The following ADK variants were observed in gnomAD, a reference collection of about 807,000 sequenced individuals.
ADK encodes the protein adenosine kinase, also known as N6,N6-dimethyladenosine kinase.
In ADK, 24 loss-of-function variants were observed where a neutral mutation model predicts 44.7. The ratio of observed to expected loss-of-function variants is 0.54; its 90% CI spans 0.39 to 0.76. The LOEUF (loss-of-function observed/expected upper bound fraction) is 0.76. Ranked by LOEUF, ADK falls within the 30% of genes least tolerant of loss-of-function variation. The pLI, the probability that ADK is intolerant of heterozygous loss-of-function variation, is 0.00. For synonymous variants in ADK, 128 were observed against 142.6 expected (o/e 0.90, Z 0.73); for missense variants, 321 against 425.1 (o/e 0.76, Z 2.15).
intron 6 of ADK, among the ~76,000 whole-genome samples, chr10:74,509,872 A>G (rs1848236286): frequency 6.6e-6 from 1 of 152,182 alleles, no homozygotes; most frequent in South Asian, 2.1e-4. Context: ...ACTTAACATA[A>G]TGTCCTCCAG....
intron 4 of ADK, among the ~76,000 whole-genome samples, chr10:74,317,440 A>C (rs1188006851): frequency 6.6e-6 from 1 of 152,106 alleles, no homozygotes; most frequent in African/African-American, 2.4e-5. Context: ...AAAGAAATGG[A>C]AAAACGTTGG....
chr10:74,289,299 C>T (rs968671031), intron 3 of ADK, among the ~76,000 whole-genome samples: 5 of 152,038 alleles, frequency 3.3e-5, no homozygotes, highest in African/African-American at 1.2e-4. Flanking sequence ...GTGATCAGCC[C>T]GCCTCTGAAA....
At position 74,453,158 on chromosome 10, in the gene ADK, T is replaced by G. The variant is rs1845831589; in HGVS notation, c.555+54579T>G. ...AAAACAGTTAAGAATTTACTAAATT[T>G]AAAATGTATATATACCTGATGCCAT... On this transcript the variant is annotated intron_variant, in intron 6 of 10. Coordinates refer to ENST00000539909, the MANE Select transcript of ADK (RefSeq NM_006721.4). Among the ~76,000 whole-genome samples, 3 of 152,148 alleles carry G rather than the reference T, an allele frequency of 2.0e-5. No individual in the cohort carries two copies. The South Asian group carries it at 6.2e-4, about 32-fold the overall frequency.
chr10:74,579,540 G>A (rs903733968), intron 7 of ADK, among the ~76,000 whole-genome samples: 14 of 152,148 alleles, frequency 9.2e-5, no homozygotes, highest in Non-Finnish European at 2.1e-4. Context: ...ATCCCTGAGA[G>A]AAAATGAATG....
chr10:74,700,253 G>T (rs527615621), intron 10 of ADK, among the ~76,000 whole-genome samples: 1 of 152,202 alleles, frequency 6.6e-6, no homozygotes, highest in Admixed American at 6.5e-5. Flanking sequence ...GGAGATTTTG[G>T]TCTCTGACTA....
intron 1 of ADK, among the ~76,000 whole-genome samples, chr10:74,161,243 C>G (rs1258354092): frequency 1.3e-5 from 2 of 152,110 alleles, no homozygotes; most frequent in African/African-American, 4.8e-5. Flanking sequence ...GCTCTGCTGC[C>G]CAGACTGGAG....
At chr10:74,681,477 T>C (rs919198829) in intron 10 of ADK, among the ~76,000 whole-genome samples, 3 of 152,144 alleles carry the variant, frequency 2.0e-5, no homozygotes, top group Non-Finnish European at 2.9e-5. Context: ...GGGAGTTAAT[T>C]GCAAATACGA....
intron 4 of ADK, among the ~76,000 whole-genome samples, chr10:74,321,302 G>A (rs1340865510): frequency 1.4e-5 from 2 of 147,616 alleles, no homozygotes; most frequent in Non-Finnish European, 3.0e-5. Flanking sequence ...TTTTTAATTT[G>A]AGGCAGAGTC....
intron 3 of ADK, among the ~76,000 whole-genome samples, chr10:74,294,673 A>G (rs1839748671): frequency 6.6e-6 from 1 of 152,224 alleles, no homozygotes; most frequent in Non-Finnish European, 1.5e-5. Flanking sequence ...CTGTTTAGTT[A>G]TACTGGTAAA....
chr10:74,229,208 T>C (rs1046666264), intron 3 of ADK, among the ~76,000 whole-genome samples: 1 of 152,122 alleles, frequency 6.6e-6, no homozygotes, highest in East Asian at 1.9e-4. Context: ...ATAAATAAAT[T>C]ATGCAATAGG....
chr10:74,619,447 T>A (rs1419802430), intron 9 of ADK, among the ~76,000 whole-genome samples: 1 of 151,240 alleles, frequency 6.6e-6, no homozygotes, highest in Non-Finnish European at 1.5e-5. Context: ...AGAGCAAGTC[T>A]CTGTCTCAAA....
At position 74,303,585 on chromosome 10, in the gene ADK, GTTGTTTTTTTTT is replaced by G. The variant is rs1421455127; in HGVS notation, c.195-11079_195-11068del. 2.8e-3 allele frequency among the ~76,000 whole-genome samples: 179 copies of G among 64,650 alleles called. 12 individuals are homozygous for G. The highest frequency in any genetic ancestry group is 0.011 in the South Asian group (22 of 2,026). The allele number at this position is 64,650 out of a possible 152,430, so 42.4% of individuals were successfully genotyped here. ...AAACACTTTTCATATTGGTTTTAAT[GTTGTTTTTTTTT>G]TTTTTTTTTTTTTTTTTGCTAGAAA... is the stretch of plus-strand genomic sequence containing the variant. On this transcript the variant is annotated intron_variant, in intron 3 of 10. Coordinates refer to ENST00000539909, the MANE Select transcript of ADK (RefSeq NM_006721.4).
intron 6 of ADK, among the ~76,000 whole-genome samples, chr10:74,428,304 A>G (rs1170149933): frequency 6.6e-6 from 1 of 152,168 alleles, no homozygotes; most frequent in Admixed American, 6.5e-5. Context: ...CACTCAAATG[A>G]CTGGCTTCAG....
At chr10:74,673,430 G>A (rs1855256994) in intron 10 of ADK, among the ~76,000 whole-genome samples, 1 of 152,244 alleles carries the variant, frequency 6.6e-6, no homozygotes, top group African/African-American at 2.4e-5. Context: ...GGTGCCAGCA[G>A]GAGCGAACTT....
intron 6 of ADK, among the ~76,000 whole-genome samples, chr10:74,476,017 A>C (rs1846823619): frequency 6.6e-6 from 1 of 152,170 alleles, no homozygotes; most frequent in South Asian, 2.1e-4. Context: ...ATGTGTGTTT[A>C]TAATATATAT....
chr10:74,389,579 T>A (rs1022415736), intron 4 of ADK, among the ~76,000 whole-genome samples: 5 of 152,166 alleles, frequency 3.3e-5, no homozygotes, highest in African/African-American at 9.7e-5. Context: ...TGGCTTTTTT[T>A]TTTAATGGCT....
rs975441001 is a variant in ADK at position 74,600,444 on chromosome 10, G to A, written c.828G>A (p.Gln276=). ...TGCCAAAGATGAACTCAAAGAGGCA[G>A]CGAATCGTGATCTTCACCCAAGGGA... ...QALPKMNSKR[Q]RIVIFTQGRD... Residue 276 remains glutamine (Q), a synonymous_variant, in exon 9 of 11, where the codon CAG becomes CAA. Transcript: ENST00000539909. 4 of 1,611,450 alleles carry A rather than the reference G, an allele frequency of 2.5e-6. No homozygotes were observed. Among genetic ancestry groups the A allele is most frequent in the Non-Finnish European group, 3.4e-6 (4 of 1,178,628 alleles).
At chr10:74,389,728 G>A (rs1310842066) in intron 4 of ADK, among the ~76,000 whole-genome samples, 2 of 152,036 alleles carry the variant, frequency 1.3e-5, no homozygotes, top group Non-Finnish European at 1.5e-5. Context: ...AGTTTCCCAT[G>A]TTGAAATATT....
rs528457346 is a variant in ADK, at chr10:74,580,704, C to CT, written c.727-8577dup. ...GAGGCTTCCCCAGCCACATGGAACT[C>CT]TAAGTCCAAATAAACCTCTTTCTTT... On this transcript the variant is annotated intron_variant, in intron 7 of 10. Transcript: ENST00000539909. Among the ~76,000 whole-genome samples, 768 of 152,222 alleles carry CT rather than the reference C, an allele frequency of 5.0e-3. 3 individuals carry two copies. Among genetic ancestry groups the CT allele is most frequent in the African/African-American group, 0.016 (683 of 41,550 alleles).
Sources: allele counts gnomAD v4.1 joint callset (sites outside exome capture counted in the v4.1 genomes callset), GRCh38; gene constraint gnomAD v4.1.1; transcripts MANE v1.5; gene names NCBI Gene and HGNC (gene_info 2026-07-23, HGNC 2026-07-21).